Variants in TPR observed in about 807,000 individuals in gnomAD.
TPR encodes the protein nucleoprotein TPR.
Under a neutral mutation model 316.1 loss-of-function variants are expected in TPR, and 51 were observed. That is an observed-to-expected ratio of 0.16 (90% CI 0.13 to 0.20). TPR has a LOEUF of 0.20. Among genes scored for constraint, TPR ranks in the 10% least tolerant of loss-of-function variants. The pLI is 1.00. For synonymous variants in TPR, 981 were observed against 914.7 expected, an observed-to-expected ratio of 1.07 and a Z score of -1.31; for missense variants, 2,272 against 2,754.8, an observed-to-expected ratio of 0.82 and a Z score of 3.92.
Position 186,352,045 on chromosome 1 carries a change from C to T in TPR, c.2400G>A (p.Gln800=). Residue 800 remains glutamine, a synonymous_variant, in exon 19 of 51, where the codon CAG becomes CAA. Coordinates refer to ENST00000367478, the MANE Select transcript of TPR (RefSeq NM_003292.3). ...MLKLSEVRLS[Q]QRESLLAEQR... Reference sequence around the variant, plus strand: ...GTTCAGCTAACAAAGACTCTCTTTGCTGAGAAAGACGAACTTCAGACAATT... The same window carrying T: ...GTTCAGCTAACAAAGACTCTCTTTGTTGAGAAAGACGAACTTCAGACAATT... 1 of 1,609,982 alleles carries T rather than the reference C, an allele frequency of 6.2e-7. No homozygotes were observed. Among genetic ancestry groups the T allele is most frequent in the Non-Finnish European group, 8.5e-7 (1 of 1,178,448 alleles).
At chr1:186,344,208 G>T in intron 25 of TPR, 118 bp from the exon 26 acceptor site, 1 of 1,392,350 alleles carries the variant, frequency 7.2e-7, no homozygotes, top group Non-Finnish European at 9.6e-7. Flanking sequence ...GCTGAGGCAG[G>T]AGAATTGCTT....
chr1:186,355,948 G>A (rs527416237), intron 15 of TPR, among the ~76,000 whole-genome samples, 180 bp from the exon 16 acceptor site: 1 of 152,224 alleles, frequency 6.6e-6, no homozygotes, highest in African/African-American at 2.4e-5. Context: ...AAGATTTTTT[G>A]ATGGTTATTA....
chr1:186,356,469 A>G lies in TPR; in HGVS notation c.1725-20T>C. Reference sequence around the variant, plus strand: ...GTGATTCTGTAGAAAAAGTCGGCCTAATTCACAGGACTGAACTGAGAGTTA... The same window carrying G: ...GTGATTCTGTAGAAAAAGTCGGCCTGATTCACAGGACTGAACTGAGAGTTA... On this transcript the variant is annotated intron_variant, in intron 14 of 50. Transcript: ENST00000367478. 6.3e-7 allele frequency: 1 copy of G among 1,598,960 alleles called. No individual in the cohort carries two copies. The highest frequency in any genetic ancestry group is 8.6e-7 in the Non-Finnish European group (1 of 1,168,802).
At chr1:186,325,998 C>A in intron 41 of TPR, 106 bp downstream of exon 41, 3 of 1,559,822 alleles carry the variant, frequency 1.9e-6, no homozygotes, top group Non-Finnish European at 1.7e-6. Context: ...ACAAAACAAC[C>A]AAAGGTTTTA....
At chr1:186,353,385 C>A (rs1424868971) in intron 18 of TPR, among the ~76,000 whole-genome samples, 82 of 150,542 alleles carry the variant, frequency 5.4e-4, no homozygotes, top group Middle Eastern at 3.4e-3. Context: ...AAAAAAAAAA[C>A]CAAAAAAAAA....
At position 186,357,507 on chromosome 1, in the gene TPR, T is replaced by C. The variant is rs1439606349; in HGVS notation, c.1614A>G (p.Val538=). The part of the protein sequence containing the change: ...SSSEVISQHL[V]SYRNIEELQQ... ...GAAGCTCTTCAATATTTCTGTAAGA[T>C]ACTAGATGCTGTGATATTACCTCAG... The change falls in exon 14 of 51, where the codon GTA becomes GTG. Residue 538 remains valine, a synonymous_variant. Transcript: ENST00000367478. The C allele has an allele frequency of 2.5e-6, 4 of 1,614,148 alleles. No individual in the cohort carries two copies. The highest frequency in any genetic ancestry group is 3.4e-6 in the Non-Finnish European group (4 of 1,180,020).
chr1:186,348,564 C>T (rs751455400), intron 21 of TPR, among the ~76,000 whole-genome samples: 2 of 152,156 alleles, frequency 1.3e-5, no homozygotes, highest in Non-Finnish European at 2.9e-5. Context: ...TTTGCACCTA[C>T]TCTCTGTTCT....
rs774682887 is a variant in TPR at position 186,360,912 on chromosome 1, A to G, written c.959-7T>C. 206 of 1,603,462 alleles carry G rather than the reference A, an allele frequency of 1.3e-4. No homozygotes were observed. The Admixed American group carries it at 3.4e-3, about 27-fold the overall frequency. ...TCTTGTATTGCTTTGTTGGCTAAAA[A>G]ACAATTTTAAAGACCAAATATTCAA... On this transcript the variant is annotated splice_polypyrimidine_tract_variant and splice_region_variant and intron_variant, in intron 9 of 50. Transcript: ENST00000367478.
chr1:186,364,292 G>A (rs1458375461), intron 4 of TPR, among the ~76,000 whole-genome samples: 2 of 151,786 alleles, frequency 1.3e-5, no homozygotes, highest in African/African-American at 4.8e-5. Flanking sequence ...TTAAAGAGTT[G>A]AATTGCTTGA....
At position 186,360,904 on chromosome 1, in the gene TPR, G is replaced by A. The variant is rs764068897; in HGVS notation, c.960C>T (p.Ala320=). Residue 320 remains alanine (A), a splice_region_variant and synonymous_variant, in exon 10 of 51, where the codon GCC becomes GCT. Transcript: ENST00000367478. ...GAAGATGATCTTGTATTGCTTTGTT[G>A]GCTAAAAAACAATTTTAAAGACCAA... ...LHKLLKEAGE[A]NKAIQDHLLE... is the part of the protein sequence containing the mutation. The A allele has an allele frequency of 1.5e-5, 24 of 1,603,476 alleles. No homozygotes were observed. Among genetic ancestry groups the A allele is most frequent in the Non-Finnish European group, 2.0e-5 (23 of 1,176,412 alleles).
chr1:186,355,933 G>A (rs368561801), intron 15 of TPR, among the ~76,000 whole-genome samples, 165 bp from the exon 16 acceptor site: 2 of 152,072 alleles, frequency 1.3e-5, no homozygotes, highest in East Asian at 3.9e-4. Flanking sequence ...ACTAAACAAT[G>A]TATTAAGATT....
intron 13 of TPR, 72 bp from the exon 14 acceptor site, chr1:186,357,695 T>G: frequency 7.3e-7 from 1 of 1,362,910 alleles, no homozygotes; most frequent in Non-Finnish European, 1.0e-6. Context: ...AATGAAAGTT[T>G]TCAAATTAAA....
chr1:186,361,050 C>A lies in TPR; in HGVS notation c.959-145G>T, dbSNP rs1003493051. 4 of 847,858 alleles carry A rather than the reference C, an allele frequency of 4.7e-6. No homozygotes were observed. The African/African-American group carries it at 7.0e-5, about 15-fold the overall frequency. The allele number at this position is 847,858 out of a possible 1,614,324, so 52.5% of individuals were successfully genotyped here. A position where few individuals can be genotyped will look rare whatever the true frequency, so the allele number is the denominator to read the frequency against. On this transcript the variant is annotated intron_variant, in intron 9 of 50. Coordinates refer to ENST00000367478, the MANE Select transcript of TPR (RefSeq NM_003292.3). ...CAGCTGACAGTATCTATTGAAAGTT[C>A]TTGCTCTACTTATAATTTTGGAATT... is the stretch of plus-strand genomic sequence containing the variant.
intron 42 of TPR, among the ~76,000 whole-genome samples, chr1:186,324,702 G>A (rs775976004): frequency 2.4e-4 from 36 of 152,130 alleles, no homozygotes; most frequent in Non-Finnish European, 4.4e-4. Flanking sequence ...TTCAATACAA[G>A]TGTAGTTGCT....
Position 186,363,328 on chromosome 1 carries a change from C to A in TPR, c.531+14G>T. ...AAGCTATAGTTTATGCATTAGGAAT[C>A]ATCTGGTACTTGCCTTAACAGAAAC... is the stretch of plus-strand genomic sequence containing the variant. On this transcript the variant is annotated intron_variant, in intron 5 of 50. Coordinates refer to ENST00000367478, the MANE Select transcript of TPR (RefSeq NM_003292.3). 1 of 1,585,618 alleles carries A rather than the reference C, an allele frequency of 6.3e-7. No individual in the cohort carries two copies. The highest frequency in any genetic ancestry group is 1.1e-5 in the South Asian group (1 of 89,878).
rs747393770 is a variant in TPR at position 186,341,288 on chromosome 1, C to T, written c.3852G>A (p.Glu1284=). 8.1e-6 allele frequency: 13 copies of T among 1,613,920 alleles called. No homozygotes were observed. Among genetic ancestry groups the T allele is most frequent in the Middle Eastern group, 1.6e-4 (1 of 6,082 alleles). The change falls in exon 28 of 51, where the codon GAG becomes GAA. Residue 1284 remains glutamate (E), a synonymous_variant. Transcript: ENST00000367478. ...ETNKMLREEK[E]RLEQDLQQMQ... is the part of the protein sequence containing the mutation. ...TTTGCTGTAGATCCTGTTCTAGTCT[C>T]TCCTTCTCTTCTCTTAGCATTTTAT...
At chr1:186,352,377 C>A (rs984474564) in intron 18 of TPR, among the ~76,000 whole-genome samples, 15 of 151,916 alleles carry the variant, frequency 9.9e-5, no homozygotes, top group Non-Finnish European at 2.1e-4. Flanking sequence ...AAAATAACAG[C>A]AAGAAAAATT....
chr1:186,360,452 G>T, intron 10 of TPR, 88 bp from the exon 11 acceptor site: 1 of 1,311,438 alleles, frequency 7.6e-7, no homozygotes, highest in Non-Finnish European at 1.1e-6. Flanking sequence ...GACATGTACT[G>T]TACATTATAT....
rs762147514 is a variant in TPR, at chr1:186,361,643, G to T, written c.937C>A (p.Leu313Ile). 1 of 1,613,094 alleles carries T rather than the reference G, an allele frequency of 6.2e-7. No individual in the cohort carries two copies. Among genetic ancestry groups the T allele is most frequent in the South Asian group, 1.1e-5 (1 of 91,044 alleles). ...TTACCTTCACCAGCTTCTTTCAAAA[G>T]TTTGTGTAGTTCCTCTACTGCCCGG... ...LTRAVEELHKLLKEAGEANKA... is the reference protein window; with the variant it reads ...LTRAVEELHKILKEAGEANKA... Residue 313 changes from leucine to isoleucine, a missense_variant, in exon 9 of 51, where the codon CTT becomes ATT. Physicochemically the swap from Leu to Ile is conservative, Grantham distance 5. Transcript: ENST00000367478.
Sources: gnomAD v4.1 joint callset for allele counts (sites outside exome capture counted in the v4.1 genomes callset) on GRCh38, gnomAD v4.1.1 for gene constraint, MANE v1.5 for transcripts, NCBI Gene and HGNC (gene_info 2026-07-23, HGNC 2026-07-21) for gene names.